Variants in ARHGAP15 observed in about 807,000 individuals in gnomAD.
The protein encoded by ARHGAP15 is Rho GTPase activating protein 15.
In ARHGAP15, 51 loss-of-function variants were observed where a neutral mutation model predicts 63.7. The observed-to-expected ratio is 0.80, with a 90% confidence interval of 0.64 to 1.01. ARHGAP15 has a LOEUF of 1.01. Among genes scored for constraint, ARHGAP15 ranks in the 50% least tolerant of loss-of-function variants. ARHGAP15 has a pLI of 0.00. For missense variants in ARHGAP15, 560 were observed against 564.6 expected (o/e 0.99, Z 0.08); for synonymous variants, 191 against 193.8 (o/e 0.99, Z 0.12).
intron 8 of ARHGAP15, among the ~76,000 whole-genome samples, chr2:143,453,972 G>A (rs540699988): frequency 6.6e-6 from 1 of 152,140 alleles, no homozygotes; most frequent in East Asian, 1.9e-4. Context: ...TTTGGCAATA[G>A]AATGTGGAAA....
At chr2:143,473,895 CAA>C (rs1335033485) in intron 8 of ARHGAP15, among the ~76,000 whole-genome samples, 1 of 152,016 alleles carries the variant, frequency 6.6e-6, no homozygotes, top group Non-Finnish European at 1.5e-5. Context: ...CTTTAAAACC[CAA>C]AGACTTTTCT....
chr2:143,330,933 C>T (rs1187445058), intron 6 of ARHGAP15, among the ~76,000 whole-genome samples: 4 of 152,178 alleles, frequency 2.6e-5, no homozygotes, highest in Non-Finnish European at 4.4e-5. Flanking sequence ...GAACCATTGT[C>T]GCTTTCTCTC....
intron 11 of ARHGAP15, chr2:143,608,509 A>G (rs528104703): frequency 6.6e-6 from 1 of 152,366 alleles, no homozygotes; most frequent in African/African-American, 2.4e-5. Flanking sequence ...AGCAATAGTT[A>G]GTGTAAGATT....
intron 11 of ARHGAP15, among the ~76,000 whole-genome samples, chr2:143,610,719 G>GTATTTATTTATT (rs10568746): frequency 1.1e-4 from 16 of 150,646 alleles, no homozygotes; most frequent in Non-Finnish European, 1.9e-4. Flanking sequence ...CTTGTTCAGT[G>GTATTTATTTATT]TATTTATTTA....
intron 4 of ARHGAP15, among the ~76,000 whole-genome samples, chr2:143,221,503 C>A (rs1692996594): frequency 6.6e-6 from 1 of 152,202 alleles, no homozygotes; most frequent in Admixed American, 6.5e-5. Flanking sequence ...TATGCCTTAG[C>A]TTATCTGATG....
chr2:143,579,198 A>G (rs1696793504), intron 11 of ARHGAP15, among the ~76,000 whole-genome samples: 1 of 152,208 alleles, frequency 6.6e-6, no homozygotes. Context: ...TATAATTTGA[A>G]TATTTAAGAG....
At chr2:143,316,703 T>C (rs1683736480) in intron 6 of ARHGAP15, among the ~76,000 whole-genome samples, 1 of 150,284 alleles carries the variant, frequency 6.7e-6, no homozygotes, top group Admixed American at 6.6e-5. Context: ...TGAGATTCTC[T>C]GATCAATTCT....
intron 8 of ARHGAP15, 74 bp from the exon 9 acceptor site, chr2:143,487,299 T>C: frequency 6.6e-7 from 1 of 1,508,374 alleles, no homozygotes; most frequent in Non-Finnish European, 8.9e-7. Flanking sequence ...TACTGTTTTC[T>C]ATTCAGATTT....
At chr2:143,297,860 C>A (rs73962394) in intron 6 of ARHGAP15, among the ~76,000 whole-genome samples, 2,147 of 152,002 alleles carry the variant, frequency 0.014, 47 homozygotes, top group African/African-American at 0.048. Flanking sequence ...AAAAAAGAAA[C>A]CCACCACAAA....
chr2:143,330,126 A>C (rs868693810), intron 6 of ARHGAP15, among the ~76,000 whole-genome samples: 6 of 92,096 alleles, frequency 6.5e-5, no homozygotes, highest in African/African-American at 1.7e-4. Context: ...AAAAAAAAAA[A>C]AAAAACCAAA....
At chr2:143,383,552 A>G (rs1558934935) in intron 6 of ARHGAP15, among the ~76,000 whole-genome samples, 1 of 152,224 alleles carries the variant, frequency 6.6e-6, no homozygotes, top group Non-Finnish European at 1.5e-5. Context: ...CCAAATATGG[A>G]AAGTATACAC....
intron 13 of ARHGAP15, among the ~76,000 whole-genome samples, chr2:143,764,395 G>A (rs1574939234): frequency 1.3e-5 from 2 of 152,040 alleles, no homozygotes; most frequent in African/African-American, 2.4e-5. Context: ...ATCTTCAATC[G>A]TCTACTTTTA....
At chr2:143,471,055 A>C (rs933002069) in intron 8 of ARHGAP15, among the ~76,000 whole-genome samples, 7 of 149,520 alleles carry the variant, frequency 4.7e-5, no homozygotes, top group African/African-American at 1.7e-4. Flanking sequence ...ACATGTGTGC[A>C]TATATACACA....
At chr2:143,412,669 T>C (rs1282802308) in intron 6 of ARHGAP15, among the ~76,000 whole-genome samples, 1 of 152,192 alleles carries the variant, frequency 6.6e-6, no homozygotes, top group Non-Finnish European at 1.5e-5. Context: ...AAAATTTATT[T>C]ATCCTGGTTG....
chr2:143,658,208 T>C (rs1166361578), intron 12 of ARHGAP15, among the ~76,000 whole-genome samples: 2 of 152,214 alleles, frequency 1.3e-5, no homozygotes, highest in Non-Finnish European at 1.5e-5. Context: ...AGGAATTTTA[T>C]GTGCATTATC....
intron 6 of ARHGAP15, among the ~76,000 whole-genome samples, chr2:143,309,916 G>T (rs982323346): frequency 6.6e-6 from 1 of 151,248 alleles, no homozygotes; most frequent in Non-Finnish European, 1.5e-5. Flanking sequence ...GATGATGATA[G>T]ATAATAGCTT....
intron 6 of ARHGAP15, among the ~76,000 whole-genome samples, chr2:143,340,978 G>C (rs759512179): frequency 6.6e-6 from 1 of 152,042 alleles, no homozygotes; most frequent in Non-Finnish European, 1.5e-5. Flanking sequence ...GCCAACGTAA[G>C]ACAGGTAGCT....
At chr2:143,196,835 C>A (rs753983871) in intron 2 of ARHGAP15, among the ~76,000 whole-genome samples, 7 of 151,852 alleles carry the variant, frequency 4.6e-5, no homozygotes, top group African/African-American at 7.2e-5. Context: ...AAGAGACATG[C>A]ATAAACATAA....
At chr2:143,205,688 T>C (rs192810964) in intron 3 of ARHGAP15, among the ~76,000 whole-genome samples, 12 of 152,226 alleles carry the variant, frequency 7.9e-5, no homozygotes, top group South Asian at 6.2e-4. Flanking sequence ...CCTTCATCAG[T>C]GCCTTCTCAA....
Sources: gnomAD v4.1 joint callset for allele counts (sites outside exome capture counted in the v4.1 genomes callset) on GRCh38, gnomAD v4.1.1 for gene constraint, MANE v1.5 for transcripts, NCBI Gene and HGNC (gene_info 2026-07-23, HGNC 2026-07-21) for gene names.